ZFAND3: variants seen among roughly 807,000 people sequenced by gnomAD.
The protein encoded by ZFAND3 is zinc finger AN1-type containing 3, also known as AN1-type zinc finger protein 3.
A neutral mutation model predicts 29.6 loss-of-function variants in ZFAND3; 10 were observed. The observed-to-expected ratio is 0.34, with a 90% CI of 0.21 to 0.57. ZFAND3 has a LOEUF of 0.57. Among genes scored for constraint, ZFAND3 ranks in the 20% least tolerant of loss-of-function variants. The pLI is 0.86. For synonymous variants in ZFAND3, 128 were observed against 112.6 expected (o/e 1.14, Z -0.87); for missense variants, 230 against 304.5 (o/e 0.76, Z 1.82).
chr6:38,101,846 C>T (rs557864666), intron 4 of ZFAND3, among the ~76,000 whole-genome samples: 85 of 146,096 alleles, frequency 5.8e-4, no homozygotes, highest in African/African-American at 2.0e-3. Flanking sequence ...GGGAGAGGAA[C>T]TGAATTAAGC....
At chr6:37,965,694 G>A (rs1004111918) in intron 2 of ZFAND3, among the ~76,000 whole-genome samples, 2 of 152,114 alleles carry the variant, frequency 1.3e-5, no homozygotes, top group East Asian at 1.9e-4. Flanking sequence ...GTGCTAAGTA[G>A]TTGAGAATAG....
At chr6:37,854,968 T>TG (rs1764352450) in intron 1 of ZFAND3, among the ~76,000 whole-genome samples, 2 of 135,926 alleles carry the variant, frequency 1.5e-5, no homozygotes, top group African/African-American at 6.1e-5. Flanking sequence ...ATAGGTGTTT[T>TG]TTTTTTTTTT....
intron 2 of ZFAND3, among the ~76,000 whole-genome samples, chr6:38,011,996 A>T (rs1763162063): frequency 6.6e-6 from 1 of 152,202 alleles, no homozygotes; most frequent in Admixed American, 6.5e-5. Flanking sequence ...GACATTTGAT[A>T]GTTGGGATAT....
At chr6:38,067,222 A>G (rs1351081128) in intron 3 of ZFAND3, among the ~76,000 whole-genome samples, 2 of 152,238 alleles carry the variant, frequency 1.3e-5, no homozygotes, top group Non-Finnish European at 2.9e-5. Flanking sequence ...TATGTGGGCA[A>G]TACTTATTTT....
chr6:38,118,934 T>TAA (rs1765473828), intron 5 of ZFAND3, among the ~76,000 whole-genome samples: 1 of 152,186 alleles, frequency 6.6e-6, no homozygotes, highest in Admixed American at 6.5e-5. Context: ...GCATCCTTTT[T>TAA]AAATGTTCTA....
intron 2 of ZFAND3, among the ~76,000 whole-genome samples, chr6:38,037,520 G>A (rs532508035): frequency 1.6e-4 from 25 of 152,344 alleles, no homozygotes; most frequent in Admixed American, 1.2e-3. Context: ...CTCGGATTGC[G>A]TGTGAACTTG....
chr6:38,037,620 T>G (rs940962276), intron 2 of ZFAND3, among the ~76,000 whole-genome samples: 8 of 152,206 alleles, frequency 5.3e-5, no homozygotes, highest in Admixed American at 1.3e-4. Flanking sequence ...AAACAACTTA[T>G]TCATGCCCAG....
intron 2 of ZFAND3, among the ~76,000 whole-genome samples, chr6:38,012,537 C>A (rs546708234): frequency 3.3e-5 from 5 of 152,138 alleles, no homozygotes; most frequent in African/African-American, 1.2e-4. Context: ...TGCCACCACG[C>A]CTGGCTAATT....
Position 37,834,801 on chromosome 6 carries a change from A to G in ZFAND3, c.71+14785A>G, listed in dbSNP as rs141431169. On this transcript the variant is annotated intron_variant, in intron 1 of 5. Transcript: ENST00000287218. ...GCATATATCATGCATATATAATGAT[A>G]TATGCTCATATGCATATATCATTAT... Among the ~76,000 whole-genome samples, 446 of 150,140 alleles carry G rather than the reference A, an allele frequency of 3.0e-3. 3 individuals carry two copies. Among genetic ancestry groups the G allele is most frequent in the African/African-American group, 0.011 (423 of 39,922 alleles).
chr6:37,905,238 T>C (rs1765387440), intron 1 of ZFAND3, among the ~76,000 whole-genome samples: 1 of 152,194 alleles, frequency 6.6e-6, no homozygotes, highest in South Asian at 2.1e-4. Flanking sequence ...ATTCCCAAAC[T>C]GGGCTGACCA....
rs544674675 is a variant in ZFAND3, at chr6:37,951,786, A to G, written c.112+21787A>G. Among the ~76,000 whole-genome samples, 12 of 152,198 alleles carry G rather than the reference A, an allele frequency of 7.9e-5. 1 individual carries two copies. The highest frequency in any genetic ancestry group is 3.3e-4 in the Admixed American group (5 of 15,286). ...GTCTTAATTCTGATTCTCAAGGGAA[A>G]TACTTCTAGTTTTTGCCTGTTTAGT... On this transcript the variant is annotated intron_variant, in intron 2 of 5. Transcript: ENST00000287218.
chr6:38,087,816 GC>G (rs1219505068), intron 4 of ZFAND3, among the ~76,000 whole-genome samples: 1 of 152,188 alleles, frequency 6.6e-6, no homozygotes, highest in Non-Finnish European at 1.5e-5. Flanking sequence ...ATATGATCCA[GC>G]CATTCCACTG....
chr6:38,026,421 ATTTTTTT>A (rs10715149), intron 2 of ZFAND3, among the ~76,000 whole-genome samples: 9 of 74,836 alleles, frequency 1.2e-4, no homozygotes, highest in Admixed American at 1.9e-4. Flanking sequence ...TTACTTTAGG[ATTTTTTT>A]TTTTTTTTTT....
At chr6:37,917,985 C>T (rs1264882318) in intron 1 of ZFAND3, among the ~76,000 whole-genome samples, 1 of 152,162 alleles carries the variant, frequency 6.6e-6, no homozygotes, top group Non-Finnish European at 1.5e-5. Context: ...TTCTCCTCCT[C>T]CATATTTTGT....
intron 2 of ZFAND3, among the ~76,000 whole-genome samples, chr6:37,962,099 CAAAG>C (rs1581794534): frequency 6.6e-6 from 1 of 152,040 alleles, no homozygotes; most frequent in African/African-American, 2.4e-5. Context: ...TGAGGAAACT[CAAAG>C]AAATTCAAGA....
At chr6:38,137,803 A>G (rs781074993) in intron 5 of ZFAND3, among the ~76,000 whole-genome samples, 2 of 152,164 alleles carry the variant, frequency 1.3e-5, no homozygotes, top group Non-Finnish European at 2.9e-5. Flanking sequence ...AGACAGAACA[A>G]AGGCCCTGGA....
chr6:37,988,833 C>G (rs1291840719), intron 2 of ZFAND3, among the ~76,000 whole-genome samples: 5 of 152,142 alleles, frequency 3.3e-5, no homozygotes, highest in African/African-American at 1.2e-4. Context: ...GAGCAGAGAG[C>G]AGCTTCCTGA....
At chr6:38,025,370 G>A (rs1321816640) in intron 2 of ZFAND3, among the ~76,000 whole-genome samples, 8 of 151,960 alleles carry the variant, frequency 5.3e-5, no homozygotes, top group Admixed American at 3.3e-4. Context: ...CCCTTTTTTA[G>A]GAGGCACAAT....
rs530300007 is a variant in ZFAND3 at position 37,841,815 on chromosome 6, A to G, written c.71+21799A>G. On this transcript the variant is annotated intron_variant, in intron 1 of 5. Coordinates refer to ENST00000287218, the MANE Select transcript of ZFAND3 (RefSeq NM_021943.3). ...AAGTTTTGAAGTACAATTTATATAC[A>G]GTGAAAAATACATCTCTCAAGCATA... Among the ~76,000 whole-genome samples, 8 of 152,326 alleles carry G rather than the reference A, an allele frequency of 5.3e-5. No individual in the cohort carries two copies. In the East Asian group the frequency reaches 1.5e-3, roughly 29 times the overall value.
Sources: gnomAD v4.1 joint callset for allele counts (sites outside exome capture counted in the v4.1 genomes callset) on GRCh38, gnomAD v4.1.1 for gene constraint, MANE v1.5 for transcripts, NCBI Gene and HGNC (gene_info 2026-07-23, HGNC 2026-07-21) for gene names.